The following GRIN2B variants were observed in gnomAD, a reference collection of about 807,000 sequenced individuals.
GRIN2B encodes glutamate ionotropic receptor NMDA type subunit 2B.
Under a neutral mutation model 114.5 loss-of-function variants are expected in GRIN2B, and 5 were observed. That is an observed-to-expected ratio of 0.04 (90% CI 0.02 to 0.09). The LOEUF is 0.09. Among genes scored for constraint, GRIN2B ranks in the 10% least tolerant of loss-of-function variants. The probability of loss-of-function intolerance (pLI) is 1.00; values close to 1 mark genes in which losing one functional copy is unlikely to be tolerated. For missense variants in GRIN2B, 1,108 were observed against 1,943.5 expected (o/e 0.57, Z 8.08); for synonymous variants, 787 against 745.1 (o/e 1.06, Z -0.92).
intron 2 of GRIN2B, among the ~76,000 whole-genome samples, chr12:13,868,217 T>C (rs747322702): frequency 1.5e-4 from 22 of 151,056 alleles, no homozygotes; most frequent in Non-Finnish European, 2.8e-4. Context: ...GGTTCATGCC[T>C]GAGCAAAGTT....
rs1365370379 is a variant in GRIN2B at position 13,559,427 on chromosome 12, A to C, written c.*3356T>G. ...ACAAAGCCAACAGTCTAGGAAAAGA[A>C]GTTCTATTTGTCTGGTTAACCCAAG... On this transcript the variant is annotated 3_prime_UTR_variant, in exon 14 of 14. Coordinates refer to ENST00000609686, the MANE Select transcript of GRIN2B (RefSeq NM_000834.5). 6.6e-6 allele frequency: 1 copy of C among 152,246 alleles called. No homozygotes were observed. The highest frequency in any genetic ancestry group is 1.5e-5 in the Non-Finnish European group (1 of 68,050). The allele number at this position is 152,246 out of a possible 1,614,324, so 9.4% of individuals were successfully genotyped here.
At chr12:13,763,769 G>A (rs118002716) in intron 3 of GRIN2B, among the ~76,000 whole-genome samples, 3,502 of 152,244 alleles carry the variant, frequency 0.023, 64 homozygotes, top group Middle Eastern at 0.048. Flanking sequence ...ATCTTTCCCA[G>A]CTTTCTGACC....
intron 2 of GRIN2B, among the ~76,000 whole-genome samples, chr12:13,926,806 A>T (rs7966018): frequency 1.3e-5 from 2 of 152,120 alleles, no homozygotes; most frequent in Non-Finnish European, 2.9e-5. Flanking sequence ...ACAAAAAATT[A>T]GCCGGGTATG....
chr12:13,860,849 C>T (rs1473425885), intron 3 of GRIN2B, among the ~76,000 whole-genome samples: 10 of 152,112 alleles, frequency 6.6e-5, no homozygotes, highest in Non-Finnish European at 1.5e-4. Context: ...AATCCTTTTG[C>T]CTGCTCCTAC....
chr12:13,935,542 T>C (rs1867110417), intron 2 of GRIN2B, among the ~76,000 whole-genome samples: 1 of 152,222 alleles, frequency 6.6e-6, no homozygotes, highest in Admixed American at 6.5e-5. Context: ...GAATTCAGAC[T>C]ATGATACTTA....
chr12:13,615,053 T>C lies in GRIN2B; in HGVS notation c.1654+61A>G. 3 of 1,460,160 alleles carry C rather than the reference T, an allele frequency of 2.1e-6. No homozygotes were observed. Among genetic ancestry groups the C allele is most frequent in the Non-Finnish European group, 2.9e-6 (3 of 1,039,732 alleles). The allele number at this position is 1,460,160 out of a possible 1,614,324, so 90.5% of individuals were successfully genotyped here. A position where few individuals can be genotyped will look rare whatever the true frequency, so the allele number is the denominator to read the frequency against. On this transcript the variant is annotated intron_variant, in intron 8 of 13. Coordinates refer to ENST00000609686, the MANE Select transcript of GRIN2B (RefSeq NM_000834.5). The surrounding 1 kb of genome is among the most constrained non-coding windows in gnomAD (Gnocchi z 5.8). ...ACAGCCTGGCCATGTGCTCCTTTTT[T>C]CCTTATTTCACTTCCCCATCCATAC... is the stretch of plus-strand genomic sequence containing the variant.
At chr12:13,796,016 G>A (rs1438178636) in intron 3 of GRIN2B, among the ~76,000 whole-genome samples, 5 of 149,294 alleles carry the variant, frequency 3.3e-5, no homozygotes, top group Non-Finnish European at 7.4e-5. Context: ...AACCAACACA[G>A]CACATATATA....
At chr12:13,851,450 G>T (rs115679333) in intron 3 of GRIN2B, among the ~76,000 whole-genome samples, 1,929 of 152,248 alleles carry the variant, frequency 0.013, 42 homozygotes, top group African/African-American at 0.045. Context: ...ACCTGTCACA[G>T]ACTTTATAAC....
chr12:13,833,785 C>T (rs976826550), intron 3 of GRIN2B, among the ~76,000 whole-genome samples: 2 of 152,132 alleles, frequency 1.3e-5, no homozygotes, highest in African/African-American at 2.4e-5. Flanking sequence ...AGGGACTTTT[C>T]CACAGTACCA....
At chr12:13,575,917 G>A (rs137961059) in intron 10 of GRIN2B, among the ~76,000 whole-genome samples, 1 of 152,166 alleles carries the variant, frequency 6.6e-6, no homozygotes, top group East Asian at 1.9e-4. Flanking sequence ...ACATGATGGA[G>A]TCTTAAAATT....
intron 5 of GRIN2B, among the ~76,000 whole-genome samples, chr12:13,658,279 T>G (rs1397242401): frequency 6.6e-6 from 1 of 151,930 alleles, no homozygotes; most frequent in Non-Finnish European, 1.5e-5. Context: ...ATGATATAAA[T>G]CAAAATATAA....
intron 2 of GRIN2B, among the ~76,000 whole-genome samples, chr12:13,901,794 A>G (rs1866457701): frequency 6.6e-6 from 1 of 152,132 alleles, no homozygotes; most frequent in Admixed American, 6.5e-5. Flanking sequence ...TTTATACACA[A>G]AAAATTTCCC....
chr12:13,697,812 C>A (rs1338002453), intron 4 of GRIN2B, among the ~76,000 whole-genome samples: 2 of 152,138 alleles, frequency 1.3e-5, no homozygotes, highest in South Asian at 2.1e-4. Flanking sequence ...CACACACACA[C>A]AAAAACAGTT....
intron 3 of GRIN2B, among the ~76,000 whole-genome samples, chr12:13,844,499 G>T (rs867230979): frequency 6.6e-6 from 1 of 152,100 alleles, no homozygotes; most frequent in Non-Finnish European, 1.5e-5. Context: ...AAAGAATTCC[G>T]TGGCCAAATC....
intron 2 of GRIN2B, among the ~76,000 whole-genome samples, chr12:13,924,864 A>G (rs1018187475): frequency 6.6e-6 from 1 of 152,102 alleles, no homozygotes; most frequent in African/African-American, 2.4e-5. Flanking sequence ...TAAATTTCAC[A>G]GTTTTACACC....
At chr12:13,810,425 G>A (rs1806440313) in intron 3 of GRIN2B, among the ~76,000 whole-genome samples, 1 of 151,984 alleles carries the variant, frequency 6.6e-6, no homozygotes, top group Non-Finnish European at 1.5e-5. Flanking sequence ...TTAAAGCAGG[G>A]ATTCTACTGT....
At chr12:13,905,894 G>T (rs188171257) in intron 2 of GRIN2B, among the ~76,000 whole-genome samples, 14 of 152,242 alleles carry the variant, frequency 9.2e-5, no homozygotes, top group Admixed American at 7.2e-4. Flanking sequence ...CCATAAAATT[G>T]CCTGTGCATA....
At chr12:13,723,662 A>G (rs1465340413) in intron 4 of GRIN2B, among the ~76,000 whole-genome samples, 1 of 152,076 alleles carries the variant, frequency 6.6e-6, no homozygotes, top group African/African-American at 2.4e-5. Context: ...TAGTATGTTC[A>G]TTCTTTAGCA....
chr12:13,647,663 G>T (rs1949773954), intron 5 of GRIN2B, among the ~76,000 whole-genome samples: 1 of 152,062 alleles, frequency 6.6e-6, no homozygotes, highest in Non-Finnish European at 1.5e-5. Flanking sequence ...GAGGAAAGGG[G>T]CTGAATAGAA....
Sources: allele counts gnomAD v4.1 joint callset (sites outside exome capture counted in the v4.1 genomes callset), GRCh38; gene constraint gnomAD v4.1.1; non-coding constraint Gnocchi (gnomAD v3.1); transcripts MANE v1.5; gene names NCBI Gene and HGNC (gene_info 2026-07-23, HGNC 2026-07-21).